The following CDH12 variants were observed in gnomAD, a reference collection of about 807,000 sequenced individuals.
The protein encoded by CDH12 is cadherin-12.
Under a neutral mutation model 74.1 loss-of-function variants are expected in CDH12, and 41 were observed. The ratio of observed to expected loss-of-function variants is 0.55; its 90% CI spans 0.43 to 0.72. The LOEUF is 0.72. CDH12 is among the 30% of genes least tolerant of loss of function. The pLI, the probability that CDH12 is intolerant of heterozygous loss-of-function variation, is 0.00. For synonymous variants in CDH12, 399 were observed against 355.0 expected (o/e 1.12, Z -1.39); for missense variants, 945 against 977.2 (o/e 0.97, Z 0.44).
chr5:21,755,570 A>G (rs376113295), intron 14 of CDH12, 21 bp downstream of exon 14: 1 of 1,598,718 alleles, frequency 6.3e-7, no homozygotes, highest in Non-Finnish European at 8.6e-7. Context: ...AAAATTAACA[A>G]TGATTAATAT....
chr5:22,125,165 C>T (rs963597067), intron 4 of CDH12, among the ~76,000 whole-genome samples: 3 of 151,848 alleles, frequency 2.0e-5, no homozygotes, highest in African/African-American at 7.3e-5. Context: ...CATAGGTATA[C>T]ATGTACCATG....
chr5:22,030,270 TA>T (rs1219135820), intron 5 of CDH12, among the ~76,000 whole-genome samples: 1 of 151,640 alleles, frequency 6.6e-6, no homozygotes. Context: ...TTAATAATAA[TA>T]AAATAAAATA....
chr5:22,778,382 G>T (rs1747214678), intron 1 of CDH12, among the ~76,000 whole-genome samples: 1 of 152,100 alleles, frequency 6.6e-6, no homozygotes. Context: ...ATCTACATTT[G>T]CTACAAGTAG....
At chr5:21,785,229 G>T (rs1346666932) in intron 10 of CDH12, among the ~76,000 whole-genome samples, 1 of 152,154 alleles carries the variant, frequency 6.6e-6, no homozygotes, top group East Asian at 1.9e-4. Flanking sequence ...AACGTTGTGT[G>T]TCCTGACTGC....
chr5:22,651,856 T>TA (rs1165257751), intron 1 of CDH12, among the ~76,000 whole-genome samples: 3 of 151,992 alleles, frequency 2.0e-5, no homozygotes, highest in Non-Finnish European at 4.4e-5. Flanking sequence ...ATCTGTTTTT[T>TA]AAAAAAAGAT....
intron 1 of CDH12, among the ~76,000 whole-genome samples, chr5:22,749,048 A>G (rs1056190267): frequency 6.6e-6 from 1 of 152,190 alleles, no homozygotes; most frequent in Non-Finnish European, 1.5e-5. Flanking sequence ...TTTAAACACA[A>G]TGCTCTCAAT....
chr5:22,057,763 CAT>C (rs1740843524), intron 5 of CDH12, among the ~76,000 whole-genome samples: 1 of 152,134 alleles, frequency 6.6e-6, no homozygotes, highest in African/African-American at 2.4e-5. Flanking sequence ...CATGGAAACT[CAT>C]AGAGTGTTTG....
intron 9 of CDH12, among the ~76,000 whole-genome samples, chr5:21,807,450 A>T (rs1026570367): frequency 3.3e-5 from 5 of 152,128 alleles, no homozygotes; most frequent in Non-Finnish European, 1.5e-5. Flanking sequence ...GGAAGAGCCC[A>T]TTGGGCTATT....
At chr5:22,081,285 G>A (rs987659850) in intron 4 of CDH12, among the ~76,000 whole-genome samples, 2 of 152,070 alleles carry the variant, frequency 1.3e-5, no homozygotes, top group Non-Finnish European at 2.9e-5. Context: ...GTAAAAATAC[G>A]TTAGAAAGTC....
At chr5:21,802,966 C>T (rs797016179) in intron 9 of CDH12, among the ~76,000 whole-genome samples, 6 of 152,218 alleles carry the variant, frequency 3.9e-5, no homozygotes, top group African/African-American at 1.2e-4. Context: ...AAAAACTCAT[C>T]ATTTACGTGC....
At chr5:22,595,127 T>A (rs1424222514) in intron 1 of CDH12, among the ~76,000 whole-genome samples, 1 of 152,222 alleles carries the variant, frequency 6.6e-6, no homozygotes, top group Non-Finnish European at 1.5e-5. Flanking sequence ...GATATACTAT[T>A]AAATATAAAC....
intron 1 of CDH12, among the ~76,000 whole-genome samples, chr5:22,637,360 T>C (rs1003154913): frequency 2.6e-5 from 4 of 152,170 alleles, no homozygotes; most frequent in East Asian, 1.9e-4. Flanking sequence ...CTCCAGGCAA[T>C]AGTAACTATC....
chr5:22,221,894 C>T (rs1480927055), intron 3 of CDH12, among the ~76,000 whole-genome samples: 3 of 151,802 alleles, frequency 2.0e-5, no homozygotes, highest in African/African-American at 7.3e-5. Context: ...AAGTGATTTC[C>T]TACAATTTCA....
intron 6 of CDH12, among the ~76,000 whole-genome samples, chr5:21,940,956 G>T (rs569416988): frequency 1.3e-5 from 2 of 152,124 alleles, no homozygotes; most frequent in South Asian, 4.1e-4. Context: ...CCCACAATTT[G>T]TCGGTAAACC....
chr5:22,622,776 A>T (rs1738045300), intron 1 of CDH12, among the ~76,000 whole-genome samples: 1 of 152,190 alleles, frequency 6.6e-6, no homozygotes, highest in South Asian at 2.1e-4. Flanking sequence ...CTCTGAAACT[A>T]TTCCGATCAA....
chr5:22,478,279 G>A (rs1454592726), intron 2 of CDH12, among the ~76,000 whole-genome samples: 1 of 151,646 alleles, frequency 6.6e-6, no homozygotes, highest in Non-Finnish European at 1.5e-5. Context: ...TAAGCCGGGC[G>A]AGGTGGCGGG....
intron 6 of CDH12, among the ~76,000 whole-genome samples, chr5:21,868,233 G>A (rs1396147496): frequency 6.7e-6 from 1 of 148,278 alleles, no homozygotes; most frequent in Non-Finnish European, 1.5e-5. Context: ...CCAGCCATGT[G>A]GAACTGTGAG....
At chr5:21,911,453 T>A (rs552368854) in intron 6 of CDH12, among the ~76,000 whole-genome samples, 14 of 152,240 alleles carry the variant, frequency 9.2e-5, no homozygotes, top group African/African-American at 3.4e-4. Context: ...TTATATGAAA[T>A]AATACTACAA....
chr5:21,965,127 G>T (rs576233258), intron 6 of CDH12, among the ~76,000 whole-genome samples: 5 of 151,960 alleles, frequency 3.3e-5, no homozygotes, highest in Non-Finnish European at 7.4e-5. Context: ...ATTTCATAAA[G>T]ATAACAACTT....
Sources: gnomAD v4.1 joint callset for allele counts (sites outside exome capture counted in the v4.1 genomes callset) on GRCh38, gnomAD v4.1.1 for gene constraint, MANE v1.5 for transcripts, NCBI Gene and HGNC (gene_info 2026-07-23, HGNC 2026-07-21) for gene names.